Variants in COP1 observed in about 807,000 individuals in gnomAD.
The protein encoded by COP1 is E3 ubiquitin-protein ligase COP1.
COP1 carries 24 observed loss-of-function variants against 101.3 expected under a neutral mutation model. The observed-to-expected ratio is 0.24, with a 90% CI of 0.17 to 0.33. The LOEUF (loss-of-function observed/expected upper bound fraction) is 0.33. COP1 is among the 10% of genes least tolerant of loss of function. COP1 has a pLI of 1.00. For missense variants in COP1, 663 were observed against 906.2 expected (o/e 0.73, Z 3.45); for synonymous variants, 347 against 341.9 (o/e 1.01, Z -0.17).
intron 15 of COP1, among the ~76,000 whole-genome samples, chr1:176,016,418 A>T (rs747534655): frequency 5.9e-5 from 9 of 152,232 alleles, no homozygotes; most frequent in Non-Finnish European, 8.8e-5. Flanking sequence ...CTGAGAGATC[A>T]AATGAAATAA....
intron 15 of COP1, among the ~76,000 whole-genome samples, chr1:175,995,005 C>T (rs1659750783): frequency 6.6e-6 from 1 of 152,128 alleles, no homozygotes. Context: ...GTAAAGCTCT[C>T]CTCAGCAAAT....
intron 15 of COP1, among the ~76,000 whole-genome samples, chr1:176,007,936 C>A (rs1049799691): frequency 1.3e-5 from 2 of 152,328 alleles, no homozygotes; most frequent in African/African-American, 4.8e-5. Flanking sequence ...GGCGCCCCTC[C>A]CCCAGCCTCG....
At chr1:175,954,616 G>GT (rs892418552) in intron 18 of COP1, among the ~76,000 whole-genome samples, 2 of 152,012 alleles carry the variant, frequency 1.3e-5, no homozygotes, top group Admixed American at 1.3e-4. Flanking sequence ...ATGAACAATT[G>GT]TATGTCAATA....
At chr1:175,946,020 C>T (rs151029072) in intron 19 of COP1, among the ~76,000 whole-genome samples, 87 of 152,286 alleles carry the variant, frequency 5.7e-4, no homozygotes, top group African/African-American at 1.9e-3. Flanking sequence ...GGTATGCTGG[C>T]AATCCCAATT....
At chr1:176,059,176 A>G (rs1674405337) in intron 11 of COP1, among the ~76,000 whole-genome samples, 2 of 152,206 alleles carry the variant, frequency 1.3e-5, no homozygotes, top group African/African-American at 4.8e-5. Context: ...AGACTTTAAT[A>G]ATTTTGGAGC....
intron 8 of COP1, 21 bp downstream of exon 8, chr1:176,134,988 AT>A (rs1689564387): frequency 1.3e-6 from 2 of 1,573,202 alleles, no homozygotes; most frequent in Admixed American, 1.7e-5. Flanking sequence ...ATTCTAATCA[AT>A]TGCAAGTGTG....
chr1:176,168,400 T>C (rs1471823713), intron 3 of COP1, among the ~76,000 whole-genome samples: 1 of 112,166 alleles, frequency 8.9e-6, no homozygotes, highest in Non-Finnish European at 1.8e-5. Flanking sequence ...AAAAGACAGC[T>C]GGGTGGGTGG....
intron 18 of COP1, among the ~76,000 whole-genome samples, chr1:175,952,387 A>G (rs1380082477): frequency 3.4e-5 from 5 of 147,960 alleles, no homozygotes; most frequent in African/African-American, 1.3e-4. Flanking sequence ...GCACCATTGC[A>G]CTCCATCCTG....
At chr1:176,076,212 A>G (rs984574976) in intron 11 of COP1, among the ~76,000 whole-genome samples, 3 of 152,092 alleles carry the variant, frequency 2.0e-5, no homozygotes, top group East Asian at 1.9e-4. Flanking sequence ...GATAGACCAC[A>G]TGCTTGGCCA....
intron 11 of COP1, among the ~76,000 whole-genome samples, chr1:176,051,747 C>G (rs1672598293): frequency 6.6e-6 from 1 of 151,762 alleles, no homozygotes; most frequent in Non-Finnish European, 1.5e-5. Flanking sequence ...TGACCGTGAC[C>G]GTATGTAGGC....
At position 176,128,358 on chromosome 1, in the gene COP1, T is replaced by C. The variant is rs1211804403; in HGVS notation, c.968+6652A>G. On this transcript the variant is annotated intron_variant, in intron 8 of 19. Transcript: ENST00000367669. The stretch of plus-strand genomic sequence containing the variant: ...GTATGAAGAGTATCCCCTATATTAT[T>C]GCCATGGAAGTTTGCTTCCTGTGTT... 1.8e-4 allele frequency among the ~76,000 whole-genome samples: 27 copies of C among 152,028 alleles called. 1 individual carries two copies. The highest frequency in any genetic ancestry group is 1.8e-3 in the Admixed American group (27 of 15,214).
chr1:176,007,172 C>T (rs1012458153), intron 15 of COP1, among the ~76,000 whole-genome samples: 29 of 152,054 alleles, frequency 1.9e-4, no homozygotes, highest in Admixed American at 1.2e-3. Flanking sequence ...ACGTAGTTCT[C>T]GAGCCTTGGT....
chr1:176,016,544 CTCTT>C (rs1171697373), intron 15 of COP1, among the ~76,000 whole-genome samples: 7 of 152,152 alleles, frequency 4.6e-5, no homozygotes, highest in Non-Finnish European at 1.0e-4. Flanking sequence ...TAAGGAGGAG[CTCTT>C]TCTTCTCCTT....
Position 176,163,024 on chromosome 1 carries a change from T to G in COP1, c.643-36A>C, listed in dbSNP as rs536183452. Reference sequence around the variant, plus strand: ...AGAAAGAAGAAACACAACAACTTCCTATGAAGACTGTTTTAGAGACTAAAA... The same window carrying G: ...AGAAAGAAGAAACACAACAACTTCCGATGAAGACTGTTTTAGAGACTAAAA... On this transcript the variant is annotated intron_variant, in intron 4 of 19. Transcript: ENST00000367669. The G allele has an allele frequency of 2.6e-5, 41 of 1,585,786 alleles. No individual in the cohort carries two copies. The South Asian group carries it at 4.6e-4, about 18-fold the overall frequency.
At chr1:176,007,799 T>C (rs1457807449) in intron 15 of COP1, among the ~76,000 whole-genome samples, 1 of 152,148 alleles carries the variant, frequency 6.6e-6, no homozygotes, top group Non-Finnish European at 1.5e-5. Flanking sequence ...GTCTTTTTGT[T>C]TGTGTGTGCC....
At chr1:175,973,009 T>A (rs958623336) in intron 18 of COP1, among the ~76,000 whole-genome samples, 5 of 151,674 alleles carry the variant, frequency 3.3e-5, no homozygotes, top group African/African-American at 1.2e-4. Flanking sequence ...ATTTTGTATT[T>A]TCAGTAGAGA....
intron 14 of COP1, among the ~76,000 whole-genome samples, chr1:176,039,380 T>C (rs1670127442): frequency 1.3e-5 from 2 of 152,148 alleles, no homozygotes; most frequent in Admixed American, 1.3e-4. Flanking sequence ...TGTAAGCTTC[T>C]GCTTTAGAAA....
At chr1:176,111,962 T>C (rs1685367228) in intron 9 of COP1, among the ~76,000 whole-genome samples, 1 of 152,228 alleles carries the variant, frequency 6.6e-6, no homozygotes. Context: ...AGAATTCTCC[T>C]GGCAGACCTG....
intron 5 of COP1, among the ~76,000 whole-genome samples, chr1:176,158,295 GGA>G (rs1693779758): frequency 6.6e-6 from 1 of 152,110 alleles, no homozygotes; most frequent in Admixed American, 6.6e-5. Flanking sequence ...ATACTTATAT[GGA>G]GTACCTTTCA....
Sources: allele counts gnomAD v4.1 joint callset (sites outside exome capture counted in the v4.1 genomes callset), GRCh38; gene constraint gnomAD v4.1.1; transcripts MANE v1.5; gene names NCBI Gene and HGNC (gene_info 2026-07-23, HGNC 2026-07-21).